Variants in CUX2 observed in about 807,000 individuals in gnomAD.
The protein encoded by CUX2 is homeobox protein cut-like 2.
Under a neutral mutation model 144.8 loss-of-function variants are expected in CUX2, and 40 were observed. That is an observed-to-expected ratio of 0.28 (90% CI 0.21 to 0.36). The LOEUF is 0.36. Among genes scored for constraint, CUX2 ranks in the 10% least tolerant of loss-of-function variants. CUX2 has a pLI of 1.00. For missense variants in CUX2, 1,615 were observed against 1,994.0 expected (o/e 0.81, Z 3.62); for synonymous variants, 827 against 875.6 (o/e 0.94, Z 0.98).
In CUX2 at chr12:111,153,119, G is replaced by A. The variant is rs573547255; in HGVS notation, c.64-61081G>A. The stretch of plus-strand genomic sequence containing the variant: ...TTCAGGGATATTCTCACTGGGGAAG[G>A]CCCCTGGATTCTAGTTTTAGAGGCA... On this transcript the variant is annotated intron_variant, in intron 1 of 21. Transcript: ENST00000261726. Among the ~76,000 whole-genome samples, 9 of 152,306 alleles carry A rather than the reference G, an allele frequency of 5.9e-5. No homozygotes were observed. In the South Asian group the frequency reaches 6.2e-4, roughly 11 times the overall value.
In CUX2 at chr12:111,348,493, G is replaced by A. The variant is rs2136461469; in HGVS notation, c.*168G>A. 1 of 690,972 alleles carries A rather than the reference G, an allele frequency of 1.4e-6. No individual in the cohort carries two copies. The highest frequency in any genetic ancestry group is 2.4e-6 in the Non-Finnish European group (1 of 422,588). 42.8% of individuals were successfully genotyped at this position (690,972 alleles called of 1,614,324 possible). ...TGTAATCCTAGTTCTATGAAGCTGT[G>A]TGAGCAGGTGGGTCAAATGCCATTG... On this transcript the variant is annotated 3_prime_UTR_variant, in exon 22 of 22. Transcript: ENST00000261726.
At chr12:111,323,125 TG>T (rs919757780) in intron 18 of CUX2, among the ~76,000 whole-genome samples, 6 of 152,144 alleles carry the variant, frequency 3.9e-5, no homozygotes, top group African/African-American at 1.4e-4. Flanking sequence ...CCTGCCACTG[TG>T]GGGACCAGCG....
intron 5 of CUX2, among the ~76,000 whole-genome samples, chr12:111,292,115 C>A (rs554058333): frequency 6.6e-6 from 1 of 152,288 alleles, no homozygotes; most frequent in East Asian, 1.9e-4. Context: ...GAATTGAAAA[C>A]ACAGGCTCAA....
In CUX2 at chr12:111,331,801, C is replaced by T. The variant is rs370195439; in HGVS notation, c.2927-2640C>T. Among the ~76,000 whole-genome samples, 12 of 151,906 alleles carry T rather than the reference C, an allele frequency of 7.9e-5. No homozygotes were observed. In the East Asian group the frequency reaches 1.4e-3, roughly 17 times the overall value. On this transcript the variant is annotated intron_variant, in intron 18 of 21. Transcript: ENST00000261726. ...TCTTTTGAAAAATGAAAAATGGGCCCGGCATGGTAGTTCAAGCCTGTAATC... is the reference window on the plus strand; with the variant it reads ...TCTTTTGAAAAATGAAAAATGGGCCTGGCATGGTAGTTCAAGCCTGTAATC...
At chr12:111,150,312 C>G (rs563882945) in intron 1 of CUX2, among the ~76,000 whole-genome samples, 7 of 152,146 alleles carry the variant, frequency 4.6e-5, no homozygotes, top group Non-Finnish European at 7.4e-5. Context: ...CCTCCTCCCC[C>G]CAAAAAAGGG....
In CUX2 at chr12:111,310,179, C is replaced by G; in HGVS notation, c.1397C>G (p.Pro466Arg). 6.4e-7 allele frequency: 1 copy of G among 1,554,680 alleles called. No homozygotes were observed. The highest frequency in any genetic ancestry group is 1.2e-5 in the South Asian group (1 of 82,142). Reference sequence around the variant, plus strand: ...AGCCCCGGGCAGCCCCTGCTGGGCCCCAGCTTGGGGCCTGACGGCACTCGG... The same window carrying G: ...AGCCCCGGGCAGCCCCTGCTGGGCCGCAGCTTGGGGCCTGACGGCACTCGG... ...SPSPGQPLLG[P>R]SLGPDGTRTF... is the part of the protein sequence containing the mutation. The change falls in exon 15 of 22, where the codon CCC becomes CGC. Residue 466 changes from proline to arginine, a missense_variant. Coordinates refer to ENST00000261726, the MANE Select transcript of CUX2 (RefSeq NM_015267.4). The surrounding 1 kb of genome is among the most constrained non-coding windows in gnomAD (Gnocchi z 7.9).
In CUX2 at chr12:111,263,625, AAAAAC is replaced by A. The variant is rs766866652; in HGVS notation, c.223-106_223-102del. On this transcript the variant is annotated intron_variant, in intron 3 of 21. Transcript: ENST00000261726. The surrounding 1 kb of genome is among the most constrained non-coding windows in gnomAD (Gnocchi z 4.0). ...GGGCGACAGAGCAAGACTCTCTCTC[AAAAAC>A]AAAACAAAACAAAACAAAACAAAAC... is the stretch of plus-strand genomic sequence containing the variant. 4,327 of 764,806 alleles carry A rather than the reference AAAAAC, an allele frequency of 5.7e-3. 132 individuals carry two copies. In the African/African-American group the frequency reaches 0.066, roughly 12 times the overall value. 47.4% of individuals were successfully genotyped at this position (764,806 alleles called of 1,614,324 possible). A position where few individuals can be genotyped will look rare whatever the true frequency, so the allele number is the denominator to read the frequency against.
chr12:111,042,781 C>T (rs1053532633), intron 1 of CUX2, among the ~76,000 whole-genome samples: 3 of 151,334 alleles, frequency 2.0e-5, no homozygotes, highest in Non-Finnish European at 4.4e-5. Flanking sequence ...ATAGGTGCAC[C>T]GCCACCACGC....
Position 111,287,258 on chromosome 12 carries a change from TG to T in CUX2, c.302-4157del, listed in dbSNP as rs1355653089. Among the ~76,000 whole-genome samples the T allele has an allele frequency of 6.6e-6, 1 of 152,240 alleles. No individual in the cohort carries two copies. The highest frequency in any genetic ancestry group is 2.4e-5 in the African/African-American group (1 of 41,466). ...CACCAAGTATAGTCGTTTGGCTCAA[TG>T]GGCTCATGGCCAGCAGGGCCCCTGG... is the stretch of plus-strand genomic sequence containing the variant. On this transcript the variant is annotated intron_variant, in intron 4 of 21. Transcript: ENST00000261726. This position sits in a 1 kb window ranked among gnomAD's most constrained non-coding sequence, Gnocchi z 4.2.
chr12:111,310,334 A>G lies in CUX2; in HGVS notation c.1552A>G (p.Thr518Ala). The part of the protein sequence containing the change: ...PPAFYGAKPP[T>A]APATPAPGPE... The stretch of plus-strand genomic sequence containing the variant: ...AGCCTTCTATGGCGCCAAGCCCCCC[A>G]CAGCCCCTGCCACCCCGGCCCCTGG... Residue 518 changes from threonine (T) to alanine (A), a missense_variant, in exon 15 of 22, where the codon ACA becomes GCA. Physicochemically the swap from Thr to Ala is moderately conservative, Grantham distance 58. Coordinates refer to ENST00000261726, the MANE Select transcript of CUX2 (RefSeq NM_015267.4). This position sits in a 1 kb window ranked among gnomAD's most constrained non-coding sequence, Gnocchi z 7.9. 2 of 1,529,692 alleles carry G rather than the reference A, an allele frequency of 1.3e-6. No individual in the cohort carries two copies. Among genetic ancestry groups the G allele is most frequent in the Non-Finnish European group, 1.8e-6 (2 of 1,134,862 alleles). 94.8% of individuals were successfully genotyped at this position (1,529,692 alleles called of 1,614,324 possible). A position where few individuals can be genotyped will look rare whatever the true frequency, so the allele number is the denominator to read the frequency against.
chr12:111,164,709 G>A (rs1878016909), intron 1 of CUX2, among the ~76,000 whole-genome samples: 1 of 152,196 alleles, frequency 6.6e-6, no homozygotes, highest in Non-Finnish European at 1.5e-5. Context: ...TGCTTTGGGA[G>A]TTTATGAAAC....
intron 1 of CUX2, among the ~76,000 whole-genome samples, chr12:111,155,138 A>G (rs1877295926): frequency 6.6e-6 from 1 of 152,202 alleles, no homozygotes; most frequent in African/African-American, 2.4e-5. Flanking sequence ...GTGATTAAAG[A>G]TGCAGCTCTG....
At chr12:111,104,066 A>G (rs1409582757) in intron 1 of CUX2, among the ~76,000 whole-genome samples, 2 of 152,166 alleles carry the variant, frequency 1.3e-5, no homozygotes, top group Non-Finnish European at 2.9e-5. Context: ...TTGTGCTTTG[A>G]GTCCTGCCTA....
chr12:111,052,085 CGTGTCTTCTTTGTTTCCCCGGCA>C (rs1254082309), intron 1 of CUX2, among the ~76,000 whole-genome samples: 5 of 152,074 alleles, frequency 3.3e-5, no homozygotes, highest in African/African-American at 1.2e-4. Flanking sequence ...TCCAGTCACA[CGTGTCTTCTTTGTTTCCCCGGCA>C]CCATAGCCCC....
chr12:111,282,709 G>A (rs1885178740), intron 4 of CUX2, among the ~76,000 whole-genome samples: 1 of 151,756 alleles, frequency 6.6e-6, no homozygotes, highest in Admixed American at 6.6e-5. Context: ...GGGTAGGCTG[G>A]AAGTCCAAGA....
At chr12:111,038,788 T>G (rs1356058473) in intron 1 of CUX2, among the ~76,000 whole-genome samples, 13 of 152,014 alleles carry the variant, frequency 8.6e-5, no homozygotes, top group Admixed American at 8.5e-4. Context: ...TTGAAATTTC[T>G]TTTATTAATA....
rs575309047 is a variant in CUX2 at position 111,057,564 on chromosome 12, C to G, written c.63+23324C>G. Reference sequence around the variant, plus strand: ...GGACCCAGACCTCCTTACACGGGCCCCATCTTTCTCCCTGCCCTAGCCTCC... The same window carrying G: ...GGACCCAGACCTCCTTACACGGGCCGCATCTTTCTCCCTGCCCTAGCCTCC... On this transcript the variant is annotated intron_variant, in intron 1 of 21. Transcript: ENST00000261726. The surrounding 1 kb of genome is among the most constrained non-coding windows in gnomAD (Gnocchi z 5.1). Among the ~76,000 whole-genome samples the G allele has an allele frequency of 7.2e-5, 11 of 152,208 alleles. No homozygotes were observed. The highest frequency in any genetic ancestry group is 1.5e-4 in the Non-Finnish European group (10 of 67,996).
intron 1 of CUX2, among the ~76,000 whole-genome samples, chr12:111,184,696 G>A (rs1055080412): frequency 6.6e-6 from 1 of 151,308 alleles, no homozygotes; most frequent in Non-Finnish European, 1.5e-5. Flanking sequence ...GTTTAAGACT[G>A]TGGTGAGCTA....
intron 1 of CUX2, among the ~76,000 whole-genome samples, chr12:111,182,963 C>T (rs893111527): frequency 6.6e-6 from 1 of 152,188 alleles, no homozygotes; most frequent in South Asian, 2.1e-4. Flanking sequence ...GGATCCTGTA[C>T]CAAGCATTTG....
Sources: gnomAD v4.1 joint callset for allele counts (sites outside exome capture counted in the v4.1 genomes callset) on GRCh38, gnomAD v4.1.1 for gene constraint, Gnocchi (gnomAD v3.1) non-coding constraint, MANE v1.5 for transcripts, NCBI Gene and HGNC (gene_info 2026-07-23, HGNC 2026-07-21) for gene names.